SH3RF3: variants seen among roughly 807,000 people sequenced by gnomAD.
SH3RF3 encodes the protein SH3 domain containing ring finger 3, also known as E3 ubiquitin-protein ligase SH3RF3.
A neutral mutation model predicts 66.3 loss-of-function variants in SH3RF3; 29 were observed. That is an observed-to-expected ratio of 0.44 (90% CI 0.33 to 0.60). The LOEUF is 0.60. Ranked by LOEUF, SH3RF3 falls within the 20% of genes least tolerant of loss-of-function variation. The pLI, the probability that SH3RF3 is intolerant of heterozygous loss-of-function variation, is 0.04. For synonymous variants in SH3RF3, 583 were observed against 532.0 expected (o/e 1.10, Z -1.32); for missense variants, 1,194 against 1,190.9 (o/e 1.00, Z -0.04).
chr2:109,323,358 T>C (rs1682074791), intron 1 of SH3RF3, among the ~76,000 whole-genome samples: 1 of 152,216 alleles, frequency 6.6e-6, no homozygotes. Context: ...TGACTCCAGC[T>C]ATAGGATCCA....
chr2:109,347,636 G>T (rs1262056621), intron 1 of SH3RF3, 38 bp from the exon 2 acceptor site: 10 of 1,600,880 alleles, frequency 6.2e-6, no homozygotes, highest in Non-Finnish European at 8.5e-6. Context: ...ATTGGGAAGG[G>T]GCATGCCCGG....
chr2:109,479,325 G>A (rs1265180451), intron 8 of SH3RF3, among the ~76,000 whole-genome samples: 1 of 152,130 alleles, frequency 6.6e-6, no homozygotes, highest in Non-Finnish European at 1.5e-5. Context: ...GTAGAGGGGG[G>A]CTAGTGAGTA....
chr2:109,134,594 T>C (rs1676776385), intron 1 of SH3RF3, among the ~76,000 whole-genome samples: 1 of 152,166 alleles, frequency 6.6e-6, no homozygotes, highest in Non-Finnish European at 1.5e-5. Context: ...TACTGCAACT[T>C]GGTGAGGTTG....
intron 1 of SH3RF3, among the ~76,000 whole-genome samples, chr2:109,340,037 T>G (rs1390761662): frequency 1.3e-5 from 2 of 152,212 alleles, no homozygotes; most frequent in Admixed American, 6.5e-5. Context: ...AAAAGGACTA[T>G]AATTCTTATT....
intron 4 of SH3RF3, among the ~76,000 whole-genome samples, chr2:109,417,353 C>T (rs2104511731): frequency 6.6e-6 from 1 of 152,254 alleles, no homozygotes; most frequent in East Asian, 1.9e-4. Context: ...GAAAGTGATC[C>T]TGGCATTGTT....
At chr2:109,303,011 G>A (rs543532824) in intron 1 of SH3RF3, among the ~76,000 whole-genome samples, 2 of 152,184 alleles carry the variant, frequency 1.3e-5, no homozygotes, top group South Asian at 4.2e-4. Flanking sequence ...CTAGTAGCTG[G>A]GATTACAGGC....
chr2:109,255,489 G>C (rs1299584538), intron 1 of SH3RF3, among the ~76,000 whole-genome samples: 1 of 152,218 alleles, frequency 6.6e-6, no homozygotes, highest in Non-Finnish European at 1.5e-5. Context: ...CAGCCGACTG[G>C]GTATCTTTAT....
rs146541110 is a variant in SH3RF3, at chr2:109,195,467, TC to T, written c.573+65355del. ...TCAACTGTCGAGTGTCCCCACCCCT[TC>T]TTGGCCTTGCCACATAAAGAGCTGT... On this transcript the variant is annotated intron_variant, in intron 1 of 9. Coordinates refer to ENST00000309415, the MANE Select transcript of SH3RF3 (RefSeq NM_001099289.3). Among the ~76,000 whole-genome samples the T allele has an allele frequency of 7.9e-3, 1,203 of 152,326 alleles. 11 individuals carry two copies. Among genetic ancestry groups the T allele is most frequent in the East Asian group, 0.036 (187 of 5,184 alleles).
intron 1 of SH3RF3, among the ~76,000 whole-genome samples, chr2:109,317,298 G>A (rs1418666836): frequency 3.3e-5 from 5 of 152,162 alleles, no homozygotes; most frequent in South Asian, 4.1e-4. Context: ...TGGTGACAGG[G>A]CGACAGCAAT....
intron 1 of SH3RF3, among the ~76,000 whole-genome samples, chr2:109,147,937 G>C (rs1315398853): frequency 6.6e-6 from 1 of 152,212 alleles, no homozygotes; most frequent in Non-Finnish European, 1.5e-5. Flanking sequence ...TAAATGAAGA[G>C]TTTTGGGGAC....
chr2:109,478,345 A>G (rs1320288077), intron 8 of SH3RF3, among the ~76,000 whole-genome samples: 4 of 152,174 alleles, frequency 2.6e-5, no homozygotes, highest in Non-Finnish European at 5.9e-5. Flanking sequence ...CCTTTGAGTA[A>G]AATCCTTCTC....
chr2:109,284,898 A>G (rs1051161345), intron 1 of SH3RF3, among the ~76,000 whole-genome samples: 3 of 152,230 alleles, frequency 2.0e-5, no homozygotes, highest in African/African-American at 7.2e-5. Flanking sequence ...AAAAATCCAC[A>G]CTGGGCTCGT....
rs1276502279 is a variant in SH3RF3 at position 109,204,073 on chromosome 2, C to T, written c.573+73960C>T. ...ATTCGAAAAATGCCTGGATTTGCAC[C>T]TCCTGCCCACTGGCTGTCATGAACA... On this transcript the variant is annotated intron_variant, in intron 1 of 9. Coordinates refer to ENST00000309415, the MANE Select transcript of SH3RF3 (RefSeq NM_001099289.3). Among the ~76,000 whole-genome samples, 5 of 152,186 alleles carry T rather than the reference C, an allele frequency of 3.3e-5. No individual in the cohort carries two copies. The South Asian group carries it at 1.0e-3, about 31-fold the overall frequency.
At chr2:109,475,374 G>A (rs542950621) in intron 8 of SH3RF3, among the ~76,000 whole-genome samples, 178 of 152,312 alleles carry the variant, frequency 1.2e-3, no homozygotes, top group Middle Eastern at 3.4e-3. Context: ...GCAAACCCAC[G>A]CAAAGTGGCT....
intron 1 of SH3RF3, among the ~76,000 whole-genome samples, chr2:109,202,169 G>A (rs1181661209): frequency 6.6e-6 from 1 of 152,104 alleles, no homozygotes; most frequent in East Asian, 1.9e-4. Context: ...GATGAACACG[G>A]GGAAGAAAAC....
intron 1 of SH3RF3, among the ~76,000 whole-genome samples, chr2:109,220,012 C>T (rs1435905829): frequency 6.6e-6 from 1 of 152,192 alleles, no homozygotes; most frequent in East Asian, 1.9e-4. Context: ...ACTCACACTT[C>T]CTGATTTCAA....
At chr2:109,218,067 T>C (rs1028987334) in intron 1 of SH3RF3, among the ~76,000 whole-genome samples, 2 of 151,188 alleles carry the variant, frequency 1.3e-5, no homozygotes, top group African/African-American at 4.9e-5. Flanking sequence ...CGGGGAGGGG[T>C]GCTGTGTTGT....
intron 8 of SH3RF3, among the ~76,000 whole-genome samples, chr2:109,471,298 G>C (rs925828499): frequency 2.0e-5 from 3 of 152,028 alleles, no homozygotes; most frequent in Admixed American, 6.5e-5. Context: ...AGTTTCAGCT[G>C]GGGGTGCCAC....
chr2:109,304,769 G>A (rs1379014977), intron 1 of SH3RF3, among the ~76,000 whole-genome samples: 3 of 152,174 alleles, frequency 2.0e-5, no homozygotes, highest in Non-Finnish European at 2.9e-5. Flanking sequence ...TGGAGGAAAG[G>A]AGCAGGGACC....
Sources: allele counts gnomAD v4.1 joint callset (sites outside exome capture counted in the v4.1 genomes callset), GRCh38; gene constraint gnomAD v4.1.1; transcripts MANE v1.5; gene names NCBI Gene and HGNC (gene_info 2026-07-23, HGNC 2026-07-21).